PIGN: variants seen among roughly 807,000 people sequenced by gnomAD.
The protein encoded by PIGN is phosphatidylinositol glycan anchor biosynthesis class N, also known as GPI ethanolamine phosphate transferase 1.
PIGN carries 117 observed loss-of-function variants against 125.4 expected under a neutral mutation model. That is an observed-to-expected ratio of 0.93 (90% CI 0.80 to 1.09). The LOEUF is 1.09. Among genes scored for constraint, PIGN ranks in the 50% least tolerant of loss-of-function variants. The pLI, the probability that PIGN is intolerant of heterozygous loss-of-function variation, is 0.00. For synonymous variants in PIGN, 392 were observed against 377.8 expected, an observed-to-expected ratio of 1.04 and a Z score of -0.44; for missense variants, 1,075 against 1,094.9, an observed-to-expected ratio of 0.98 and a Z score of 0.26.
In PIGN at chr18:62,051,997, T is replaced by C. The variant is rs900605528; in HGVS notation, c.2673-6018A>G. ...TCAGGAGCAGGTTGTTCAGTTTCCA[T>C]GTAGTTGAGTGGTTTTGAGTGAGTT... On this transcript the variant is annotated intron_variant, in intron 30 of 30. Transcript: ENST00000640252. The C allele has an allele frequency of 4.9e-4, 75 of 152,244 alleles. 4 individuals are homozygous for C. Among genetic ancestry groups the C allele is most frequent in the Non-Finnish European group, 1.5e-5 (1 of 68,046 alleles). 9.4% of individuals were successfully genotyped at this position (152,244 alleles called of 1,614,324 possible).
At chr18:62,105,469 G>T (rs1050997729) in intron 20 of PIGN, 74 bp downstream of exon 20, 2 of 816,938 alleles carry the variant, frequency 2.4e-6, no homozygotes, top group Non-Finnish European at 4.1e-6. Flanking sequence ...CCAAGATTAG[G>T]TTCAAATTTT....
At position 62,140,401 on chromosome 18, in the gene PIGN, A is replaced by C. The variant is rs1166675304; in HGVS notation, c.1023+19T>G. 2.5e-6 allele frequency: 3 copies of C among 1,185,612 alleles called. No homozygotes were observed. Among genetic ancestry groups the C allele is most frequent in the African/African-American group, 1.5e-5 (1 of 65,606 alleles). 73.4% of individuals were successfully genotyped at this position (1,185,612 alleles called of 1,614,324 possible). ...TTTTTTTTTATACTGAGAGTTGATAATAAAATTTTATTCCTTACCACTGAG... is the reference window on the plus strand; with the variant it reads ...TTTTTTTTTATACTGAGAGTTGATACTAAAATTTTATTCCTTACCACTGAG... On this transcript the variant is annotated intron_variant, in intron 12 of 30. Transcript: ENST00000640252.
chr18:62,138,995 A>G lies in PIGN; in HGVS notation c.1104T>C (p.Leu368=), dbSNP rs2036036656. ...ATTTTTTTTTTACCTTGAACTGTTC[A>G]AGAATCTGTACTGCATTTGTAAACA... The part of the protein sequence containing the change: ...ESMFTNAVQI[L]EQFKVKMTQK... Residue 368 remains leucine (L), a synonymous_variant, in exon 13 of 31, where the codon CTT becomes CTC. Transcript: ENST00000640252. 1.2e-6 allele frequency: 2 copies of G among 1,604,186 alleles called. No individual in the cohort carries two copies. The highest frequency in any genetic ancestry group is 2.2e-5 in the East Asian group (1 of 44,664).
At chr18:62,164,984 G>C (rs56823832) in intron 1 of PIGN, among the ~76,000 whole-genome samples, 116,651 of 152,062 alleles carry the variant, frequency 0.77, 44,904 homozygotes, top group East Asian at 0.91. Flanking sequence ...TTTTCCCCAC[G>C]AAAAGGCATG....
At chr18:62,156,279 A>G (rs2036729737) in intron 6 of PIGN, among the ~76,000 whole-genome samples, 1 of 152,240 alleles carries the variant, frequency 6.6e-6, no homozygotes, top group Non-Finnish European at 1.5e-5. Flanking sequence ...ATGCCAGAAT[A>G]TATGGCATCT....
chr18:62,155,638 TAATG>T (rs997815372), intron 6 of PIGN, among the ~76,000 whole-genome samples: 13 of 152,318 alleles, frequency 8.5e-5, no homozygotes, highest in African/African-American at 3.1e-4. Flanking sequence ...AGTTCAGCTC[TAATG>T]ACCCTATTCC....
intron 22 of PIGN, among the ~76,000 whole-genome samples, chr18:62,098,676 A>T (rs1429769721): frequency 1.3e-5 from 2 of 152,168 alleles, no homozygotes; most frequent in Non-Finnish European, 2.9e-5. Context: ...CTGTGCCTAA[A>T]AGAGACCTTT....
intron 24 of PIGN, among the ~76,000 whole-genome samples, chr18:62,089,666 AATT>A (rs1461331119): frequency 2.0e-5 from 3 of 152,140 alleles, no homozygotes; most frequent in African/African-American, 7.2e-5. Context: ...TAAAACCAGT[AATT>A]ATTAAATATG....
chr18:62,171,910 T>C (rs914091009), intron 1 of PIGN, among the ~76,000 whole-genome samples: 1 of 152,200 alleles, frequency 6.6e-6, no homozygotes, highest in African/African-American at 2.4e-5. Context: ...TTATGAAAGA[T>C]ATAAGACTAT....
intron 30 of PIGN, chr18:62,058,807 C>A (rs547036382): frequency 2.6e-5 from 4 of 152,118 alleles, no homozygotes; most frequent in Non-Finnish European, 5.9e-5. Flanking sequence ...AAGGCTGACT[C>A]ATAATTACCA....
At chr18:62,146,439 G>A (rs1396777622) in intron 9 of PIGN, among the ~76,000 whole-genome samples, 2 of 152,174 alleles carry the variant, frequency 1.3e-5, no homozygotes, top group Non-Finnish European at 2.9e-5. Flanking sequence ...AGGTCTCTGG[G>A]TCCTTTTCTT....
chr18:62,090,388 A>G (rs1323969357), intron 24 of PIGN, 88 bp downstream of exon 24: 1 of 714,492 alleles, frequency 1.4e-6, no homozygotes, highest in East Asian at 3.1e-5. Flanking sequence ...TTTTAAGTAG[A>G]AAGAATTTTT....
At chr18:62,136,617 G>A (rs55885271) in intron 14 of PIGN, 35,972 of 152,286 alleles carry the variant, frequency 0.24, 4,512 homozygotes, top group Middle Eastern at 0.37. Context: ...AAAGTGCTGG[G>A]ATTATAGGAG....
At chr18:62,033,959 T>G (rs538174509) in intron 23 of PIGN, among the ~76,000 whole-genome samples, 1 of 152,190 alleles carries the variant, frequency 6.6e-6, no homozygotes, top group Non-Finnish European at 1.5e-5. Context: ...CAGTTGAGAC[T>G]CAGAGGGGTT....
intron 14 of PIGN, among the ~76,000 whole-genome samples, chr18:62,121,782 T>TAA (rs1179276199): frequency 6.6e-6 from 1 of 152,158 alleles, no homozygotes; most frequent in Non-Finnish European, 1.5e-5. Flanking sequence ...GATGGGCACT[T>TAA]AGATTGATTC....
intron 24 of PIGN, 89 bp from the exon 25 acceptor site, chr18:62,088,931 T>C: frequency 1.4e-6 from 1 of 729,642 alleles, no homozygotes; most frequent in Non-Finnish European, 2.4e-6. Flanking sequence ...TAAGTTACAA[T>C]GGCTAGAAAC....
At chr18:62,125,667 T>G (rs1367102788) in intron 14 of PIGN, among the ~76,000 whole-genome samples, 1 of 152,038 alleles carries the variant, frequency 6.6e-6, no homozygotes, top group Non-Finnish European at 1.5e-5. Context: ...TTTAGCAACA[T>G]AATCATATAA....
intron 23 of PIGN, among the ~76,000 whole-genome samples, chr18:62,035,867 A>G (rs2144902323): frequency 1.3e-5 from 2 of 152,338 alleles, no homozygotes; most frequent in Middle Eastern, 3.4e-3. Context: ...TAACCAAAAA[A>G]GGCTTTACTT....
intron 30 of PIGN, among the ~76,000 whole-genome samples, chr18:62,048,989 G>A (rs1290465271): frequency 8.6e-5 from 13 of 151,980 alleles, no homozygotes; most frequent in African/African-American, 2.9e-4. Flanking sequence ...TACTGAGAAT[G>A]ATGATTTCCA....
Sources: gnomAD v4.1 joint callset for allele counts (sites outside exome capture counted in the v4.1 genomes callset) on GRCh38, gnomAD v4.1.1 for gene constraint, MANE v1.5 for transcripts, NCBI Gene and HGNC (gene_info 2026-07-23, HGNC 2026-07-21) for gene names.